CNTN6: variants seen among roughly 807,000 people sequenced by gnomAD.
CNTN6 encodes contactin-6.
Under a neutral mutation model 122.8 loss-of-function variants are expected in CNTN6, and 137 were observed. That is an observed-to-expected ratio of 1.12 (90% CI 0.97 to 1.29). CNTN6 has a LOEUF of 1.29. Among genes scored for constraint, CNTN6 ranks in the 50% most tolerant of loss-of-function variants. The probability of loss-of-function intolerance (pLI) is 0.00; values close to 1 mark genes in which losing one functional copy is unlikely to be tolerated. For missense variants in CNTN6, 1,634 were observed against 1,223.4 expected (o/e 1.34, Z -5.01); for synonymous variants, 570 against 426.0 (o/e 1.34, Z -4.16).
At chr3:1,317,904 A>G (rs1382432176) in intron 7 of CNTN6, among the ~76,000 whole-genome samples, 5 of 147,988 alleles carry the variant, frequency 3.4e-5, no homozygotes, top group Non-Finnish European at 7.5e-5. Flanking sequence ...AAAAAAAAAA[A>G]GCAAACACAT....
At chr3:1,273,839 G>C (rs1013756828) in intron 4 of CNTN6, among the ~76,000 whole-genome samples, 1 of 152,168 alleles carries the variant, frequency 6.6e-6, no homozygotes, top group African/African-American at 2.4e-5. Context: ...AAGTGGAAGT[G>C]AACACAGAAT....
chr3:1,347,630 A>G (rs1462472470), intron 11 of CNTN6, among the ~76,000 whole-genome samples: 1 of 152,090 alleles, frequency 6.6e-6, no homozygotes, highest in East Asian at 1.9e-4. Flanking sequence ...CAACAAACAG[A>G]GTGAGAATCA....
chr3:1,273,551 A>G (rs1691762507), intron 4 of CNTN6, among the ~76,000 whole-genome samples: 1 of 152,204 alleles, frequency 6.6e-6, no homozygotes, highest in African/African-American at 2.4e-5. Flanking sequence ...GGATCTGTAC[A>G]ATAGACCTTG....
chr3:1,289,125 C>G (rs1051938774), intron 5 of CNTN6, among the ~76,000 whole-genome samples: 1 of 151,760 alleles, frequency 6.6e-6, no homozygotes, highest in African/African-American at 2.4e-5. Context: ...ATGAATTATA[C>G]ATTTAATTAA....
chr3:1,353,293 C>G (rs1475880746), intron 12 of CNTN6, among the ~76,000 whole-genome samples: 5 of 151,696 alleles, frequency 3.3e-5, no homozygotes, highest in Non-Finnish European at 7.4e-5. Flanking sequence ...GCTTTCTCAT[C>G]TTTTCCATTA....
At chr3:1,280,014 C>A (rs1024105159) in intron 5 of CNTN6, among the ~76,000 whole-genome samples, 1 of 151,942 alleles carries the variant, frequency 6.6e-6, no homozygotes, top group Non-Finnish European at 1.5e-5. Flanking sequence ...TATTTTTTAA[C>A]GGTATAGAAG....
chr3:1,221,006 C>T (rs954436026), intron 3 of CNTN6, among the ~76,000 whole-genome samples, 193 bp downstream of exon 3: 5 of 152,170 alleles, frequency 3.3e-5, no homozygotes, highest in African/African-American at 9.7e-5. Context: ...GGTATTCCCT[C>T]ATGCCGCTTT....
intron 8 of CNTN6, among the ~76,000 whole-genome samples, chr3:1,324,971 C>T (rs563921979): frequency 7.2e-6 from 1 of 139,772 alleles, no homozygotes; most frequent in East Asian, 2.0e-4. Flanking sequence ...AGGGAAGCGT[C>T]ATATACTTCT....
chr3:1,389,639 G>C (rs1351203234), intron 20 of CNTN6, among the ~76,000 whole-genome samples: 1 of 149,490 alleles, frequency 6.7e-6, no homozygotes, highest in African/African-American at 2.4e-5. Context: ...AAACAGTCAA[G>C]ACCCATCAGT....
intron 7 of CNTN6, among the ~76,000 whole-genome samples, chr3:1,311,129 G>T (rs567031746): frequency 6.7e-6 from 1 of 148,750 alleles, no homozygotes; most frequent in South Asian, 2.1e-4. Flanking sequence ...ATACATAGGT[G>T]TATGTATATA....
At chr3:1,131,049 C>G (rs1489973179) in intron 1 of CNTN6, among the ~76,000 whole-genome samples, 1 of 152,114 alleles carries the variant, frequency 6.6e-6, no homozygotes, top group Non-Finnish European at 1.5e-5. Context: ...AGCGAAATAA[C>G]AGGCAGACCC....
chr3:1,364,506 G>GAA (rs143883424), intron 12 of CNTN6, among the ~76,000 whole-genome samples: 3 of 143,814 alleles, frequency 2.1e-5, no homozygotes, highest in Admixed American at 7.0e-5. Flanking sequence ...TGAGTTGAAG[G>GAA]AAAAAAAAAA....
intron 21 of CNTN6, among the ~76,000 whole-genome samples, chr3:1,401,974 G>A (rs1042226393): frequency 6.6e-6 from 1 of 152,006 alleles, no homozygotes; most frequent in African/African-American, 2.4e-5. Context: ...ATTTCCATCA[G>A]TGACAATGGA....
chr3:1,280,235 T>G (rs1001357612), intron 5 of CNTN6, among the ~76,000 whole-genome samples: 1 of 152,062 alleles, frequency 6.6e-6, no homozygotes. Context: ...ATTTAAAAAA[T>G]TAAAAGGCAG....
chr3:1,397,422 T>G (rs1427786433), intron 20 of CNTN6, among the ~76,000 whole-genome samples: 1 of 152,116 alleles, frequency 6.6e-6, no homozygotes, highest in Non-Finnish European at 1.5e-5. Flanking sequence ...TTAAGTATTA[T>G]TGTTGCTGTT....
chr3:1,223,236 TATC>T (rs2094232830), intron 3 of CNTN6, among the ~76,000 whole-genome samples: 1 of 152,212 alleles, frequency 6.6e-6, no homozygotes, highest in African/African-American at 2.4e-5. Context: ...GACTTAAAGT[TATC>T]ATTTCTAGTC....
chr3:1,359,500 G>T (rs543715743), intron 12 of CNTN6, among the ~76,000 whole-genome samples: 19 of 152,108 alleles, frequency 1.2e-4, no homozygotes, highest in Admixed American at 3.3e-4. Context: ...CCATTTAAAT[G>T]TTGAAGTAGT....
At chr3:1,308,814 T>G (rs1050531917) in intron 7 of CNTN6, among the ~76,000 whole-genome samples, 1 of 152,082 alleles carries the variant, frequency 6.6e-6, no homozygotes, top group Non-Finnish European at 1.5e-5. Flanking sequence ...TTTTGTTTTG[T>G]TTTTTAGCCA....
At chr3:1,175,481 A>T (rs2093432328) in intron 2 of CNTN6, among the ~76,000 whole-genome samples, 1 of 152,232 alleles carries the variant, frequency 6.6e-6, no homozygotes, top group Non-Finnish European at 1.5e-5. Context: ...CCAATTGCAG[A>T]TAGCAACTGG....
Sources: allele counts gnomAD v4.1 joint callset (sites outside exome capture counted in the v4.1 genomes callset), GRCh38; gene constraint gnomAD v4.1.1; transcripts MANE v1.5; gene names NCBI Gene and HGNC (gene_info 2026-07-23, HGNC 2026-07-21).